The following SLC25A37 variants were observed in gnomAD, a reference collection of about 807,000 sequenced individuals.
SLC25A37 encodes solute carrier family 25 member 37.
A neutral mutation model predicts 31.0 loss-of-function variants in SLC25A37; 17 were observed. The ratio of observed to expected loss-of-function variants is 0.55; its 90% CI spans 0.38 to 0.82. The LOEUF is 0.82. Among genes scored for constraint, SLC25A37 ranks in the 40% least tolerant of loss-of-function variants. The pLI is 0.00. For missense variants in SLC25A37, 404 were observed against 465.8 expected (o/e 0.87, Z 1.22); for synonymous variants, 222 against 193.0 (o/e 1.15, Z -1.24).
At position 23,573,950 on chromosome 8, in the gene SLC25A37, G is replaced by A. The variant is rs142140679; in HGVS notation, c.*2095G>A. 6 of 394,172 alleles carry A rather than the reference G, an allele frequency of 1.5e-5. No homozygotes were observed. Among genetic ancestry groups the A allele is most frequent in the Non-Finnish European group, 2.6e-5 (5 of 190,046 alleles). 24.4% of individuals were successfully genotyped at this position (394,172 alleles called of 1,614,324 possible). A position where few individuals can be genotyped will look rare whatever the true frequency, so the allele number is the denominator to read the frequency against. Reference sequence around the variant, plus strand: ...ACCTGCCTTGGGTTCGTGTTAAATGGTGTTAAATTCTGCAAATGGAGGGGA... The same window carrying A: ...ACCTGCCTTGGGTTCGTGTTAAATGATGTTAAATTCTGCAAATGGAGGGGA... On this transcript the variant is annotated 3_prime_UTR_variant, in exon 4 of 4. Coordinates refer to ENST00000519973, the MANE Select transcript of SLC25A37 (RefSeq NM_016612.4).
intron 1 of SLC25A37, among the ~76,000 whole-genome samples, chr8:23,545,640 G>A (rs918998137): frequency 6.6e-6 from 1 of 152,172 alleles, no homozygotes; most frequent in Non-Finnish European, 1.5e-5. Context: ...CCTTTTTCAG[G>A]GTGGTTAGAC....
At chr8:23,567,826 GTTTTTTT>G (rs542715318) in intron 2 of SLC25A37, 12,836 of 111,566 alleles carry the variant, frequency 0.12, 1,043 homozygotes, top group African/African-American at 0.23. Flanking sequence ...CTCTTGCCCA[GTTTTTTT>G]TTTTTTTTTT....
intron 1 of SLC25A37, among the ~76,000 whole-genome samples, chr8:23,539,299 C>T (rs1030990091): frequency 8.9e-5 from 13 of 146,010 alleles, no homozygotes; most frequent in Admixed American, 7.3e-4. Context: ...TCCGGGTCCA[C>T]CGAGCCTCTG....
intron 1 of SLC25A37, among the ~76,000 whole-genome samples, chr8:23,563,267 G>C (rs2117447435): frequency 6.6e-6 from 1 of 152,278 alleles, no homozygotes; most frequent in Non-Finnish European, 1.5e-5. Context: ...GCTCACTGCA[G>C]CCTCAAACTC....
chr8:23,557,080 A>T (rs1436835927), intron 1 of SLC25A37, among the ~76,000 whole-genome samples: 3 of 151,878 alleles, frequency 2.0e-5, no homozygotes, highest in African/African-American at 7.3e-5. Context: ...CGAACCCCTG[A>T]CCTCAGGTAA....
Position 23,573,784 on chromosome 8 carries a change from C to T in SLC25A37, c.*1929C>T. The stretch of plus-strand genomic sequence containing the variant: ...GCTGGGCTGTGGGGCTTGGCTGCTG[C>T]CCTGTCCCATCTGGCAGTTAACGCC... On this transcript the variant is annotated 3_prime_UTR_variant, in exon 4 of 4. Coordinates refer to ENST00000519973, the MANE Select transcript of SLC25A37 (RefSeq NM_016612.4). 1 of 456,594 alleles carries T rather than the reference C, an allele frequency of 2.2e-6. No individual in the cohort carries two copies. 28.3% of individuals were successfully genotyped at this position (456,594 alleles called of 1,614,324 possible).
At position 23,568,644 on chromosome 8, in the gene SLC25A37, A is replaced by G. The variant is rs76894365; in HGVS notation, c.496+266A>G. The G allele has an allele frequency of 2.2e-3, 1,060 of 475,284 alleles. 10 individuals are homozygous for G. Among genetic ancestry groups the G allele is most frequent in the African/African-American group, 0.018 (922 of 51,192 alleles). The allele number at this position is 475,284 out of a possible 1,614,324, so 29.4% of individuals were successfully genotyped here. A position where few individuals can be genotyped will look rare whatever the true frequency, so the allele number is the denominator to read the frequency against. The stretch of plus-strand genomic sequence containing the variant: ...CATCAGACATCTTGAGGGGTGTTGG[A>G]AATGCTAATTCTGAGGCTGGGTGCA... On this transcript the variant is annotated intron_variant, in intron 3 of 3. Coordinates refer to ENST00000519973, the MANE Select transcript of SLC25A37 (RefSeq NM_016612.4).
intron 1 of SLC25A37, among the ~76,000 whole-genome samples, chr8:23,555,459 G>T (rs1248302230): frequency 2.6e-5 from 4 of 152,132 alleles, no homozygotes; most frequent in Non-Finnish European, 5.9e-5. Flanking sequence ...GAGAAGGGGG[G>T]TTTGGTGCTG....
intron 1 of SLC25A37, among the ~76,000 whole-genome samples, chr8:23,546,778 T>C (rs1802079383): frequency 6.6e-6 from 1 of 151,824 alleles, no homozygotes; most frequent in East Asian, 1.9e-4. Flanking sequence ...AAAAAATTCA[T>C]CTACAAGTTG....
chr8:23,548,208 C>G (rs899666346), intron 1 of SLC25A37, among the ~76,000 whole-genome samples: 4 of 152,158 alleles, frequency 2.6e-5, no homozygotes, highest in African/African-American at 9.7e-5. Context: ...GAGATGGAGT[C>G]TGTCTCTGTC....
At chr8:23,539,398 G>A (rs1375731401) in intron 1 of SLC25A37, among the ~76,000 whole-genome samples, 1 of 152,206 alleles carries the variant, frequency 6.6e-6, no homozygotes, top group East Asian at 1.9e-4. Context: ...GCTGTCACTG[G>A]TGAAAGAGAG....
At chr8:23,553,075 GTTC>G (rs35418601) in intron 1 of SLC25A37, among the ~76,000 whole-genome samples, 21,726 of 152,134 alleles carry the variant, frequency 0.14, 2,021 homozygotes, top group Admixed American at 0.25. Flanking sequence ...TGTTAAATTT[GTTC>G]TTCTGCGCAG....
At chr8:23,542,751 A>G (rs4872149) in intron 1 of SLC25A37, among the ~76,000 whole-genome samples, 13,727 of 150,624 alleles carry the variant, frequency 0.091, 908 homozygotes, top group East Asian at 0.34. Flanking sequence ...ATTCCAGAAG[A>G]AGGCATTGCG....
intron 1 of SLC25A37, among the ~76,000 whole-genome samples, chr8:23,546,958 C>T (rs1417073947): frequency 6.6e-6 from 1 of 151,902 alleles, no homozygotes; most frequent in East Asian, 1.9e-4. Context: ...TAGCACTGCT[C>T]CCCCCACAGG....
At chr8:23,547,705 A>G (rs1488802665) in intron 1 of SLC25A37, among the ~76,000 whole-genome samples, 4 of 152,232 alleles carry the variant, frequency 2.6e-5, no homozygotes, top group African/African-American at 4.8e-5. Context: ...CGGCCCATGT[A>G]CCATGTTGGG....
intron 1 of SLC25A37, among the ~76,000 whole-genome samples, chr8:23,564,633 A>AT (rs1563265279): frequency 2.0e-5 from 3 of 151,694 alleles, no homozygotes; most frequent in Non-Finnish European, 4.4e-5. Flanking sequence ...TTTCTTGCCT[A>AT]TATACTAGTC....
At chr8:23,541,910 A>G (rs149671444) in intron 1 of SLC25A37, 1 of 152,286 alleles carries the variant, frequency 6.6e-6, no homozygotes, top group East Asian at 1.9e-4. Context: ...TGTGTCTTTA[A>G]CTGAAGAATC....
intron 1 of SLC25A37, among the ~76,000 whole-genome samples, chr8:23,541,100 C>T (rs10113191): frequency 0.017 from 2,512 of 152,038 alleles, 74 homozygotes; most frequent in African/African-American, 0.057. Context: ...TGTCTGCTGC[C>T]GCCCATTTGG....
At chr8:23,566,375 T>C in intron 2 of SLC25A37, 39 bp downstream of exon 2, 5 of 1,584,318 alleles carry the variant, frequency 3.2e-6, no homozygotes, top group Non-Finnish European at 4.3e-6. Flanking sequence ...GAAAGTTCTC[T>C]TCTTCAACAC....
Sources: allele counts gnomAD v4.1 joint callset (sites outside exome capture counted in the v4.1 genomes callset), GRCh38; gene constraint gnomAD v4.1.1; transcripts MANE v1.5; gene names NCBI Gene and HGNC (gene_info 2026-07-23, HGNC 2026-07-21).